ATP8B4: variants seen among roughly 807,000 people sequenced by gnomAD.
ATP8B4 encodes the protein ATPase phospholipid transporting 8B4 (putative).
Under a neutral mutation model 145.6 loss-of-function variants are expected in ATP8B4, and 133 were observed. The observed-to-expected ratio is 0.91, with a 90% CI of 0.79 to 1.05. ATP8B4 has a LOEUF of 1.05. ATP8B4 is among the 50% of genes least tolerant of loss of function. ATP8B4 has a pLI of 0.00. For synonymous variants in ATP8B4, 507 were observed against 492.9 expected, an observed-to-expected ratio of 1.03 and a Z score of -0.38; for missense variants, 1,458 against 1,425.2, an observed-to-expected ratio of 1.02 and a Z score of -0.37.
At chr15:49,928,090 C>T (rs1351988586) in intron 16 of ATP8B4, among the ~76,000 whole-genome samples, 4 of 152,116 alleles carry the variant, frequency 2.6e-5, no homozygotes, top group Admixed American at 2.6e-4. Context: ...GAAAACTTAT[C>T]ATGTGCCAAG....
At chr15:50,090,713 A>G (rs2055555282) in intron 2 of ATP8B4, among the ~76,000 whole-genome samples, 1 of 152,158 alleles carries the variant, frequency 6.6e-6, no homozygotes, top group Non-Finnish European at 1.5e-5. Flanking sequence ...AATCAGCACT[A>G]CTACAGTGAA....
chr15:49,888,062 G>T (rs533781691), intron 23 of ATP8B4, among the ~76,000 whole-genome samples: 32 of 152,204 alleles, frequency 2.1e-4, no homozygotes, highest in African/African-American at 7.5e-4. Context: ...AAAAACATTT[G>T]TCATTTAAAG....
At chr15:50,179,743 C>T (rs564955171) in intron 1 of ATP8B4, among the ~76,000 whole-genome samples, 1 of 152,296 alleles carries the variant, frequency 6.6e-6, no homozygotes, top group East Asian at 1.9e-4. Flanking sequence ...AGTGAGAAGG[C>T]ACCATCTGTG....
At chr15:49,960,700 T>C (rs1427167960) in intron 14 of ATP8B4, among the ~76,000 whole-genome samples, 2 of 152,044 alleles carry the variant, frequency 1.3e-5, no homozygotes, top group African/African-American at 4.8e-5. Context: ...ACCAGAAAAA[T>C]AATCATGGGA....
At chr15:49,963,554 T>C (rs777418466) in intron 13 of ATP8B4, among the ~76,000 whole-genome samples, 1 of 152,182 alleles carries the variant, frequency 6.6e-6, no homozygotes, top group Non-Finnish European at 1.5e-5. Context: ...GTGGTACATA[T>C]ACACTATGGA....
At chr15:49,937,034 G>A (rs970982432) in intron 14 of ATP8B4, among the ~76,000 whole-genome samples, 5 of 151,714 alleles carry the variant, frequency 3.3e-5, no homozygotes, top group Admixed American at 6.6e-5. Context: ...GCTGATGTTC[G>A]AGTTTTCCAA....
At position 50,054,287 on chromosome 15, in the gene ATP8B4, G is replaced by C. The variant is rs750272820; in HGVS notation, c.88-6823C>G. Among the ~76,000 whole-genome samples, 41 of 152,110 alleles carry C rather than the reference G, an allele frequency of 2.7e-4. 1 individual carries two copies. Among genetic ancestry groups the C allele is most frequent in the South Asian group, 6.2e-4 (3 of 4,828 alleles). On this transcript the variant is annotated intron_variant, in intron 3 of 27. Coordinates refer to ENST00000284509, the MANE Select transcript of ATP8B4 (RefSeq NM_024837.4). ...AATGCTTCGAGGTATATTACCAGAG[G>C]AAAAAGAAGCTCTGAACAGTCTCAC...
chr15:49,885,929 G>A (rs192996226), intron 23 of ATP8B4: 1 of 152,276 alleles, frequency 6.6e-6, no homozygotes, highest in East Asian at 1.9e-4. Context: ...TTTGATCCTG[G>A]AAGGGTCAGC....
At chr15:50,010,455 A>G (rs1286234012) in intron 7 of ATP8B4, among the ~76,000 whole-genome samples, 1 of 152,054 alleles carries the variant, frequency 6.6e-6, no homozygotes, top group Non-Finnish European at 1.5e-5. Context: ...TTTCAAATAT[A>G]CTGTAAATTA....
At chr15:50,103,573 G>A (rs535068553) in intron 2 of ATP8B4, among the ~76,000 whole-genome samples, 1 of 152,174 alleles carries the variant, frequency 6.6e-6, no homozygotes, top group African/African-American at 2.4e-5. Flanking sequence ...AAACACTGCT[G>A]AAAGAAATCA....
intron 1 of ATP8B4, among the ~76,000 whole-genome samples, chr15:50,131,083 C>G (rs1381056683): frequency 6.6e-6 from 1 of 151,944 alleles, no homozygotes; most frequent in Non-Finnish European, 1.5e-5. Flanking sequence ...ATAAAACCAT[C>G]AGATCTCATG....
At chr15:49,872,744 G>A (rs1201750228) in intron 25 of ATP8B4, among the ~76,000 whole-genome samples, 1 of 152,132 alleles carries the variant, frequency 6.6e-6, no homozygotes, top group African/African-American at 2.4e-5. Context: ...TCAGAGATGG[G>A]AGGAGACTAA....
chr15:49,904,492 C>G (rs1383835025), intron 20 of ATP8B4, among the ~76,000 whole-genome samples: 2 of 152,176 alleles, frequency 1.3e-5, no homozygotes, highest in African/African-American at 4.8e-5. Context: ...AGTAAGTGCT[C>G]TAAAATTTTA....
chr15:49,991,069 C>T (rs757533934), intron 9 of ATP8B4, among the ~76,000 whole-genome samples: 8 of 152,112 alleles, frequency 5.3e-5, no homozygotes, highest in African/African-American at 9.7e-5. Context: ...TTATTCTTCA[C>T]GCCTTTACAT....
intron 2 of ATP8B4, among the ~76,000 whole-genome samples, chr15:50,096,900 A>G (rs1185899940): frequency 6.6e-6 from 1 of 152,210 alleles, no homozygotes; most frequent in East Asian, 1.9e-4. Flanking sequence ...CCCCAAAGTT[A>G]TGAGAGGGCT....
At chr15:50,160,714 T>A (rs1445485495) in intron 1 of ATP8B4, among the ~76,000 whole-genome samples, 6 of 152,126 alleles carry the variant, frequency 3.9e-5, no homozygotes, top group African/African-American at 1.4e-4. Context: ...ATTTCTTTTT[T>A]ATTCTGTTGT....
At chr15:49,997,949 G>A (rs2047561613) in intron 8 of ATP8B4, among the ~76,000 whole-genome samples, 1 of 152,130 alleles carries the variant, frequency 6.6e-6, no homozygotes, top group South Asian at 2.1e-4. Flanking sequence ...CAGAAATTGA[G>A]CTGGGCTTGA....
chr15:50,129,227 CGCTGT>C (rs1172491462), intron 1 of ATP8B4, among the ~76,000 whole-genome samples: 4 of 151,764 alleles, frequency 2.6e-5, no homozygotes, highest in Admixed American at 2.0e-4. Context: ...ATATCAAGAA[CGCTGT>C]ATTAGTTTCC....
intron 1 of ATP8B4, among the ~76,000 whole-genome samples, chr15:50,173,512 C>T (rs2044718517): frequency 1.3e-5 from 2 of 152,048 alleles, no homozygotes. Context: ...GGTTAAGAGT[C>T]ATCACCACTC....
Sources: gnomAD v4.1 joint callset for allele counts (sites outside exome capture counted in the v4.1 genomes callset) on GRCh38, gnomAD v4.1.1 for gene constraint, MANE v1.5 for transcripts, NCBI Gene and HGNC (gene_info 2026-07-23, HGNC 2026-07-21) for gene names.